Variants in TSC22D3 observed in about 807,000 individuals in gnomAD.
TSC22D3 encodes the protein TSC22 domain family protein 3.
Under a neutral mutation model 11.1 loss-of-function variants are expected in TSC22D3, and 4 were observed. The ratio of observed to expected loss-of-function variants is 0.36; its 90% CI spans 0.18 to 0.83. TSC22D3 has a LOEUF of 0.83. TSC22D3 is among the 40% of genes least tolerant of loss of function. TSC22D3 has a pLI of 0.48. For missense variants in TSC22D3, 118 were observed against 159.4 expected, an observed-to-expected ratio of 0.74 and a Z score of 1.40; for synonymous variants, 77 against 70.3, an observed-to-expected ratio of 1.10 and a Z score of -0.48.
At chrX:107,750,356 T>G (rs1163914062) in intron 1 of TSC22D3, among the ~76,000 whole-genome samples, 8 of 109,184 alleles carry the variant, frequency 7.3e-5, no homozygotes, top group African/African-American at 1.0e-4. Context: ...CCTGGCATGG[T>G]GAGAAGGCAG....
rs367686260 is a variant in TSC22D3, at chrX:107,716,528, A to AC, written c.321-579dup. 2,734 of 957,788 alleles carry AC rather than the reference A, an allele frequency of 2.9e-3. 44 individuals are homozygous for AC. The African/African-American group carries it at 0.047, about 16-fold the overall frequency. 78.9% of individuals were successfully genotyped at this position (957,788 alleles called of 1,213,427 possible). Reference sequence around the variant, plus strand: ...GATGACGGATCCCAGAGCGGCGGTGACCCCCCCCTTCCTGCGTCCCCTCCC... The same window carrying AC: ...GATGACGGATCCCAGAGCGGCGGTGACCCCCCCCCTTCCTGCGTCCCCTCCC... On this transcript the variant is annotated intron_variant, in intron 1 of 2. Transcript: ENST00000372383.
chrX:107,732,866 G>C (rs1314807469), intron 1 of TSC22D3, among the ~76,000 whole-genome samples: 1 of 111,309 alleles, frequency 9.0e-6, no homozygotes, highest in Non-Finnish European at 1.9e-5. Context: ...GGGAAGCCAA[G>C]GGGGGAGGAT....
At chrX:107,737,461 G>C (rs757137448) in intron 1 of TSC22D3, among the ~76,000 whole-genome samples, 2 of 111,756 alleles carry the variant, frequency 1.8e-5, no homozygotes, top group Admixed American at 9.4e-5. Context: ...AAGTGTCTGA[G>C]GCTCTCAGAC....
At chrX:107,725,665 G>A (rs747083713) in intron 1 of TSC22D3, among the ~76,000 whole-genome samples, 4 of 111,605 alleles carry the variant, frequency 3.6e-5, no homozygotes, top group Non-Finnish European at 7.5e-5. Context: ...GATCTACTAT[G>A]AGAGAGATGA....
chrX:107,717,156 G>C (rs1426995129), intron 1 of TSC22D3: 1 of 740,330 alleles, frequency 1.4e-6, no homozygotes, highest in Admixed American at 7.4e-5. Context: ...ACCGGGCTTT[G>C]TGGCCCAGTT....
At chrX:107,735,215 CA>C (rs1928076025) in intron 1 of TSC22D3, among the ~76,000 whole-genome samples, 1 of 111,761 alleles carries the variant, frequency 8.9e-6, no homozygotes, top group Non-Finnish European at 1.9e-5. Context: ...TGCTTAATAG[CA>C]TCCAACGGAT....
At chrX:107,735,997 A>G (rs2147747970) in intron 1 of TSC22D3, among the ~76,000 whole-genome samples, 1 of 112,172 alleles carries the variant, frequency 8.9e-6, no homozygotes, top group East Asian at 2.8e-4. Context: ...CCAAGGTCAC[A>G]CAGACAGGTA....
At position 107,775,401 on chromosome X, in the gene TSC22D3, C is replaced by A. The variant is rs913245858; in HGVS notation, c.19G>T (p.Asp7Tyr). 1.7e-5 allele frequency: 20 copies of A among 1,184,864 alleles called. No homozygotes were observed. The highest frequency in any genetic ancestry group is 1.7e-5 in the Non-Finnish European group (15 of 881,619). Residue 7 changes from aspartate to tyrosine, a missense_variant, in exon 1 of 3, where the codon GAT becomes TAT. Physicochemically the swap from Asp to Tyr is radical, Grantham distance 160. Coordinates refer to ENST00000372383, the MANE Select transcript of TSC22D3 (RefSeq NM_198057.3). ...TCGAGGCCGACAGGTGAGCGGCAATCGAGCTTGGACTGGGCCATCTTCTCA... is the reference window on the plus strand; with the variant it reads ...TCGAGGCCGACAGGTGAGCGGCAATAGAGCTTGGACTGGGCCATCTTCTCA... MAQSKL[D>Y]CRSPVGLDCC...
chrX:107,766,917 G>A (rs1482469167), intron 1 of TSC22D3, among the ~76,000 whole-genome samples: 1 of 111,187 alleles, frequency 9.0e-6, no homozygotes, highest in Non-Finnish European at 1.9e-5. Context: ...TGCTAGTTAT[G>A]AGTCAGGGCC....
intron 1 of TSC22D3, among the ~76,000 whole-genome samples, chrX:107,742,260 TGAGAGAGAGA>T (rs1232034872): frequency 1.3e-5 from 1 of 78,004 alleles, no homozygotes; most frequent in South Asian, 6.6e-4. Flanking sequence ...CACATGTATT[TGAGAGAGAGA>T]GAGAGAGAGA....
At chrX:107,757,342 C>G (rs1929222960) in intron 1 of TSC22D3, among the ~76,000 whole-genome samples, 1 of 111,691 alleles carries the variant, frequency 9.0e-6, no homozygotes, top group African/African-American at 3.3e-5. Context: ...ATACAGAGTC[C>G]TTAAAGGAGT....
Position 107,741,202 on chromosome X carries a change from T to C in TSC22D3, c.321-25252A>G, listed in dbSNP as rs768000721. Among the ~76,000 whole-genome samples, 7 of 112,767 alleles carry C rather than the reference T, an allele frequency of 6.2e-5. No homozygotes were observed. The South Asian group carries it at 2.5e-3, about 41-fold the overall frequency. The stretch of plus-strand genomic sequence containing the variant: ...GCATCTTTCTCCCTGGGGTTGCTTC[T>C]ACAAACGCAGCTCAGAGCTGCCTTT... On this transcript the variant is annotated intron_variant, in intron 1 of 2. Transcript: ENST00000372383.
In TSC22D3 at chrX:107,735,478, T is replaced by C. The variant is rs754488096; in HGVS notation, c.321-19528A>G. Among the ~76,000 whole-genome samples, 15 of 111,255 alleles carry C rather than the reference T, an allele frequency of 1.3e-4. No individual in the cohort carries two copies. In the South Asian group the frequency reaches 5.4e-3, roughly 40 times the overall value. On this transcript the variant is annotated intron_variant, in intron 1 of 2. Coordinates refer to ENST00000372383, the MANE Select transcript of TSC22D3 (RefSeq NM_198057.3). ...CCCCAGTGGAAGAAGGCCTGGCAAT[T>C]TGAAAGCATTTCAGCTCCCCACCTT... is the stretch of plus-strand genomic sequence containing the variant.
At chrX:107,772,510 C>G (rs1013064045) in intron 1 of TSC22D3, among the ~76,000 whole-genome samples, 2 of 111,097 alleles carry the variant, frequency 1.8e-5, no homozygotes, top group Non-Finnish European at 1.9e-5. Context: ...CTGGGCAAAA[C>G]CTAAACCGAA....
At chrX:107,715,177 T>A (rs1345496642) in intron 2 of TSC22D3, among the ~76,000 whole-genome samples, 1 of 111,982 alleles carries the variant, frequency 8.9e-6, no homozygotes, top group Non-Finnish European at 1.9e-5. Flanking sequence ...TTGTCTGCTG[T>A]ACAAATCTTA....
At chrX:107,747,692 G>A (rs1006427358) in intron 1 of TSC22D3, among the ~76,000 whole-genome samples, 2 of 113,021 alleles carry the variant, frequency 1.8e-5, no homozygotes, top group East Asian at 5.5e-4. Flanking sequence ...GGCTGTTGCC[G>A]TTGCTGCTCT....
chrX:107,722,238 A>G, intron 1 of TSC22D3: 1 of 176,184 alleles, frequency 5.7e-6, no homozygotes, highest in Non-Finnish European at 1.1e-5. Context: ...TGGTGGAGAG[A>G]TGGACACTGT....
rs1926866372 is a variant in TSC22D3, at chrX:107,713,885, T to C, written c.*634A>G. On this transcript the variant is annotated 3_prime_UTR_variant, in exon 3 of 3. Transcript: ENST00000372383. ...CCCTATGGGTATATATACGCATTTATGGCTATATAGAAAAACTATGCCAAT... is the reference window on the plus strand; with the variant it reads ...CCCTATGGGTATATATACGCATTTACGGCTATATAGAAAAACTATGCCAAT... The C allele has an allele frequency of 8.8e-6, 1 of 113,225 alleles. No homozygotes were observed. Among genetic ancestry groups the C allele is most frequent in the African/African-American group, 3.2e-5 (1 of 30,968 alleles). The allele number at this position is 113,225 out of a possible 1,213,427, so 9.3% of individuals were successfully genotyped here.
rs369230607 is a variant in TSC22D3, at chrX:107,728,659, G to A, written c.321-12709C>T. ...GCCATACAGCTGGAATGATGGGAGT[G>A]GGGGGAGGACAAAAACCATCTGGAC... On this transcript the variant is annotated intron_variant, in intron 1 of 2. Transcript: ENST00000372383. Among the ~76,000 whole-genome samples, 7 of 112,310 alleles carry A rather than the reference G, an allele frequency of 6.2e-5. No individual in the cohort carries two copies. In the East Asian group the frequency reaches 1.7e-3, roughly 27 times the overall value.
Sources: gnomAD v4.1 joint callset for allele counts (sites outside exome capture counted in the v4.1 genomes callset) on GRCh38, gnomAD v4.1.1 for gene constraint, MANE v1.5 for transcripts, NCBI Gene and HGNC (gene_info 2026-07-23, HGNC 2026-07-21) for gene names.